The following UST variants were observed in gnomAD, a reference collection of about 807,000 sequenced individuals.
The protein encoded by UST is uronyl 2-sulfotransferase.
Under a neutral mutation model 45.6 loss-of-function variants are expected in UST, and 21 were observed. That is an observed-to-expected ratio of 0.46 (90% CI 0.33 to 0.66). The LOEUF (loss-of-function observed/expected upper bound fraction) is 0.66, where lower values mean the gene tolerates loss of function less well. UST is among the 30% of genes least tolerant of loss of function. The probability of loss-of-function intolerance (pLI) is 0.02; values close to 1 mark genes in which losing one functional copy is unlikely to be tolerated. For missense variants in UST, 463 were observed against 512.4 expected, an observed-to-expected ratio of 0.90 and a Z score of 0.93; for synonymous variants, 215 against 200.6, an observed-to-expected ratio of 1.07 and a Z score of -0.61.
chr6:149,048,601 T>C (rs1184680643), intron 7 of UST, among the ~76,000 whole-genome samples: 1 of 151,886 alleles, frequency 6.6e-6, no homozygotes, highest in East Asian at 1.9e-4. Flanking sequence ...ACTTTAAGCA[T>C]GTTTAAAACA....
At chr6:148,947,308 A>G (rs1780265149) in intron 3 of UST, among the ~76,000 whole-genome samples, 1 of 152,200 alleles carries the variant, frequency 6.6e-6, no homozygotes, top group African/African-American at 2.4e-5. Flanking sequence ...CACTAGGCAT[A>G]CATGGGTTAA....
intron 5 of UST, among the ~76,000 whole-genome samples, chr6:149,006,490 C>CT (rs1164662030): frequency 6.6e-6 from 1 of 152,178 alleles, no homozygotes; most frequent in Non-Finnish European, 1.5e-5. Flanking sequence ...TTTATCCAGT[C>CT]TATCACCAAT....
intron 2 of UST, among the ~76,000 whole-genome samples, chr6:148,928,041 A>G (rs745691735): frequency 5.3e-5 from 8 of 152,130 alleles, no homozygotes; most frequent in African/African-American, 9.7e-5. Flanking sequence ...CTGGTGGAGG[A>G]TGAGCTCCTG....
At chr6:148,865,696 GTGTGTGTGTGTGTGTGT>G (rs1317786837) in intron 1 of UST, among the ~76,000 whole-genome samples, 13 of 149,700 alleles carry the variant, frequency 8.7e-5, no homozygotes, top group South Asian at 2.1e-4. Flanking sequence ...GTGTGTGTGT[GTGTGTGTGTGTGTGTGT>G]GAATTCAGAG....
At chr6:149,052,962 C>T (rs1279915345) in intron 7 of UST, among the ~76,000 whole-genome samples, 1 of 152,058 alleles carries the variant, frequency 6.6e-6, no homozygotes, top group Non-Finnish European at 1.5e-5. Context: ...AGAAAGCAAA[C>T]AATCCAAGGA....
intron 1 of UST, among the ~76,000 whole-genome samples, chr6:148,785,125 C>T (rs948928755): frequency 4.6e-5 from 7 of 151,222 alleles, no homozygotes; most frequent in Non-Finnish European, 1.0e-4. Context: ...TTCTTGAGTC[C>T]GGGAGACAGA....
At chr6:148,751,478 G>A (rs1775990760) in intron 1 of UST, among the ~76,000 whole-genome samples, 1 of 152,196 alleles carries the variant, frequency 6.6e-6, no homozygotes, top group Admixed American at 6.5e-5. Flanking sequence ...CCCCATAGGA[G>A]ACAGTGGTGA....
chr6:148,995,860 C>T (rs1781443914), intron 5 of UST, among the ~76,000 whole-genome samples: 2 of 152,356 alleles, frequency 1.3e-5, no homozygotes, highest in Admixed American at 6.5e-5. Context: ...GTTTGCCCTG[C>T]GTTTCTCCAC....
chr6:149,010,001 T>G (rs1485344891), intron 5 of UST, among the ~76,000 whole-genome samples: 1 of 151,416 alleles, frequency 6.6e-6, no homozygotes, highest in East Asian at 1.9e-4. Context: ...CATCTATCTT[T>G]AAAATATAAG....
At chr6:148,801,787 A>G (rs997314280) in intron 1 of UST, among the ~76,000 whole-genome samples, 1 of 152,126 alleles carries the variant, frequency 6.6e-6, no homozygotes, top group Non-Finnish European at 1.5e-5. Context: ...CAAGCTTGTA[A>G]TATGATGTTT....
At chr6:148,948,164 G>T (rs1780288069) in intron 3 of UST, among the ~76,000 whole-genome samples, 1 of 152,244 alleles carries the variant, frequency 6.6e-6, no homozygotes, top group Admixed American at 6.5e-5. Context: ...ACTGTGGGAA[G>T]AGGGAAGGGT....
Position 148,978,343 on chromosome 6 carries a change from T to A in UST, c.681+13780T>A, listed in dbSNP as rs546177453. Among the ~76,000 whole-genome samples the A allele has an allele frequency of 1.2e-4, 18 of 152,340 alleles. No homozygotes were observed. In the South Asian group the frequency reaches 3.7e-3, roughly 32 times the overall value. On this transcript the variant is annotated intron_variant, in intron 5 of 7. Coordinates refer to ENST00000367463, the MANE Select transcript of UST (RefSeq NM_005715.3). ...CACATACATTTTATAGTATATAGTC[T>A]TTACATAGGCTGTAAAGACACATGC...
chr6:148,876,192 G>A (rs1778648168), intron 1 of UST, among the ~76,000 whole-genome samples: 1 of 152,060 alleles, frequency 6.6e-6, no homozygotes, highest in African/African-American at 2.4e-5. Flanking sequence ...ACAGGAATGG[G>A]AGCAAGAGAG....
In UST at chr6:149,067,547, A is replaced by G. The variant is rs1776749329; in HGVS notation, c.938-6286A>G. ...GTCCTCTCTGTGGAGTGTTCTAGCA[A>G]ACATAGGGCTGGGCCTCCTCATGTT... is the stretch of plus-strand genomic sequence containing the variant. On this transcript the variant is annotated intron_variant, in intron 7 of 7. Coordinates refer to ENST00000367463, the MANE Select transcript of UST (RefSeq NM_005715.3). 2.0e-5 allele frequency among the ~76,000 whole-genome samples: 3 copies of G among 152,178 alleles called. No individual in the cohort carries two copies. In the South Asian group the frequency reaches 6.2e-4, roughly 32 times the overall value.
intron 5 of UST, among the ~76,000 whole-genome samples, chr6:149,002,952 A>G (rs908123202): frequency 1.3e-5 from 2 of 152,234 alleles, no homozygotes; most frequent in Non-Finnish European, 2.9e-5. Context: ...CCAGTTATTC[A>G]TTGGTCGCTT....
At chr6:148,989,874 T>C (rs1216763005) in intron 5 of UST, among the ~76,000 whole-genome samples, 2 of 152,220 alleles carry the variant, frequency 1.3e-5, no homozygotes, top group Admixed American at 6.5e-5. Flanking sequence ...TTTTGGATAA[T>C]CAAATGAGTT....
chr6:149,056,921 T>C (rs1267653743), intron 7 of UST, among the ~76,000 whole-genome samples: 1 of 152,216 alleles, frequency 6.6e-6, no homozygotes, highest in Non-Finnish European at 1.5e-5. Context: ...ATGTTCGGCC[T>C]CCATGAACAG....
In UST at chr6:148,996,129, C is replaced by T. The variant is rs531373386; in HGVS notation, c.682-23010C>T. On this transcript the variant is annotated intron_variant, in intron 5 of 7. Coordinates refer to ENST00000367463, the MANE Select transcript of UST (RefSeq NM_005715.3). ...CTGAGATCGCCATAGAGAATTGATT[C>T]TTCCACTCTCTGGCTTTGAAAACTG... Among the ~76,000 whole-genome samples the T allele has an allele frequency of 1.4e-4, 22 of 152,344 alleles. No individual in the cohort carries two copies. The East Asian group carries it at 3.5e-3, about 24-fold the overall frequency.
At chr6:148,817,203 G>A (rs1777374112) in intron 1 of UST, among the ~76,000 whole-genome samples, 1 of 152,228 alleles carries the variant, frequency 6.6e-6, no homozygotes, top group Non-Finnish European at 1.5e-5. Context: ...ACTTTCACTA[G>A]AAAGCAAAGC....
Sources: gnomAD v4.1 joint callset for allele counts (sites outside exome capture counted in the v4.1 genomes callset) on GRCh38, gnomAD v4.1.1 for gene constraint, MANE v1.5 for transcripts, NCBI Gene and HGNC (gene_info 2026-07-23, HGNC 2026-07-21) for gene names.